Variants in ARID5B observed in about 807,000 individuals in gnomAD.
ARID5B encodes the protein AT-rich interactive domain-containing protein 5B.
ARID5B carries 13 observed loss-of-function variants against 97.2 expected under a neutral mutation model. The observed-to-expected ratio is 0.13, with a 90% CI of 0.09 to 0.21. The LOEUF is 0.21. Among genes scored for constraint, ARID5B ranks in the 10% least tolerant of loss-of-function variants. The pLI is 1.00. For missense variants in ARID5B, 1,210 were observed against 1,465.3 expected, an observed-to-expected ratio of 0.83 and a Z score of 2.84; for synonymous variants, 556 against 570.3, an observed-to-expected ratio of 0.97 and a Z score of 0.36.
chr10:61,904,122 T>C (rs1843669889), intron 2 of ARID5B, among the ~76,000 whole-genome samples: 1 of 143,632 alleles, frequency 7.0e-6, no homozygotes, highest in Admixed American at 7.0e-5. Flanking sequence ...TTTCTTATTA[T>C]TTGCTTTTCA....
intron 3 of ARID5B, among the ~76,000 whole-genome samples, chr10:61,950,488 G>C (rs186083499): frequency 6.6e-6 from 1 of 152,208 alleles, no homozygotes; most frequent in African/African-American, 2.4e-5. Flanking sequence ...GGGCAACATA[G>C]TGAGACCTGT....
At chr10:61,977,488 T>A (rs1414834446) in intron 3 of ARID5B, among the ~76,000 whole-genome samples, 1 of 152,212 alleles carries the variant, frequency 6.6e-6, no homozygotes, top group Non-Finnish European at 1.5e-5. Flanking sequence ...TGTAAAAGTG[T>A]TTCTATTTCT....
chr10:62,059,135 G>A, intron 6 of ARID5B, 108 bp from the exon 7 acceptor site: 2 of 870,912 alleles, frequency 2.3e-6, no homozygotes, highest in South Asian at 3.7e-5. Context: ...GGGTACTTTA[G>A]TATTTCTTTT....
At chr10:62,064,972 C>A (rs867719448) in intron 7 of ARID5B, among the ~76,000 whole-genome samples, 4 of 152,092 alleles carry the variant, frequency 2.6e-5, no homozygotes, top group Non-Finnish European at 4.4e-5. Flanking sequence ...CAAAGTTTCA[C>A]CATGTTGGCC....
chr10:62,006,394 A>T (rs1361640774), intron 4 of ARID5B, among the ~76,000 whole-genome samples: 2 of 152,192 alleles, frequency 1.3e-5, no homozygotes, highest in Non-Finnish European at 2.9e-5. Context: ...GTGAGCCAAG[A>T]TCGCGCCATT....
At position 62,091,231 on chromosome 10, in the gene ARID5B, C is replaced by T. The variant is rs769394319; in HGVS notation, c.1768C>T (p.Pro590Ser). 19 of 1,614,102 alleles carry T rather than the reference C, an allele frequency of 1.2e-5. No homozygotes were observed. Among genetic ancestry groups the T allele is most frequent in the Non-Finnish European group, 1.6e-5 (19 of 1,179,994 alleles). ...TTTTACAGAGAGCCCTGAAAGTGAACCCCAAGAAGCATCCTTCCCCAGCTT... is the reference window on the plus strand; with the variant it reads ...TTTTACAGAGAGCCCTGAAAGTGAATCCCAAGAAGCATCCTTCCCCAGCTT... Reference protein sequence around the residue: ...CCFTESPESEPQEASFPSFPT... With the variant: ...CCFTESPESESQEASFPSFPT... Residue 590 changes from proline to serine, a missense_variant, in exon 10 of 10, where the codon CCC becomes TCC. Pro to Ser is a moderately conservative substitution (Grantham distance 74). Transcript: ENST00000279873.
intron 2 of ARID5B, among the ~76,000 whole-genome samples, chr10:61,937,165 A>C (rs369907483): frequency 6.6e-6 from 1 of 152,240 alleles, no homozygotes; most frequent in South Asian, 2.1e-4. Flanking sequence ...TGGACTGAAT[A>C]CAATGCAATA....
intron 8 of ARID5B, among the ~76,000 whole-genome samples, chr10:62,082,886 C>G (rs191453689): frequency 1.3e-5 from 2 of 152,148 alleles, no homozygotes; most frequent in African/African-American, 4.8e-5. Flanking sequence ...GTGTGCCGTG[C>G]GAGACCGTGC....
At chr10:62,036,597 A>G (rs933568976) in intron 4 of ARID5B, among the ~76,000 whole-genome samples, 7 of 152,228 alleles carry the variant, frequency 4.6e-5, no homozygotes, top group Non-Finnish European at 8.8e-5. Flanking sequence ...ATATGAACAC[A>G]GTGGGAATGT....
At position 62,091,404 on chromosome 10, in the gene ARID5B, G is replaced by A; in HGVS notation, c.1941G>A (p.Lys647=). ...DIHNALKQTP[K]VLVVQSFDMF... ...ACAATGCGCTCAAGCAGACCCCAAA[G>A]GTCCTTGTGGTCCAGTCGTTTGACA... Residue 647 remains lysine, a synonymous_variant, in exon 10 of 10, where the codon AAG becomes AAA. Coordinates refer to ENST00000279873, the MANE Select transcript of ARID5B (RefSeq NM_032199.3). 1 of 1,613,510 alleles carries A rather than the reference G, an allele frequency of 6.2e-7. No individual in the cohort carries two copies. The highest frequency in any genetic ancestry group is 8.5e-7 in the Non-Finnish European group (1 of 1,179,594).
chr10:62,013,575 C>T (rs193225648), intron 4 of ARID5B, among the ~76,000 whole-genome samples: 29 of 152,004 alleles, frequency 1.9e-4, no homozygotes, highest in Non-Finnish European at 4.0e-4. Context: ...AGCAACATCT[C>T]CCCAACTCCC....
In ARID5B at chr10:62,094,282, G is replaced by A. The variant is rs1040125872; in HGVS notation, c.*1252G>A. On this transcript the variant is annotated 3_prime_UTR_variant, in exon 10 of 10. Transcript: ENST00000279873. ...ACTGGCCAGAAGAGGAGCAGCTGCA[G>A]TCCTGATAGCTTCTCTAGCCTCGGT... is the stretch of plus-strand genomic sequence containing the variant. The A allele has an allele frequency of 8.6e-6, 2 of 231,630 alleles. No homozygotes were observed. Among genetic ancestry groups the A allele is most frequent in the Admixed American group, 1.1e-4 (2 of 17,712 alleles). 14.3% of individuals were successfully genotyped at this position (231,630 alleles called of 1,614,324 possible).
intron 7 of ARID5B, among the ~76,000 whole-genome samples, chr10:62,063,524 AGAG>A (rs893950721): frequency 3.3e-5 from 5 of 151,446 alleles, no homozygotes; most frequent in African/African-American, 9.7e-5. Flanking sequence ...AAAAAAAAAA[AGAG>A]GAGCAGAAGT....
At chr10:61,945,969 T>C (rs193238616) in intron 3 of ARID5B, among the ~76,000 whole-genome samples, 29 of 148,830 alleles carry the variant, frequency 1.9e-4, no homozygotes, top group African/African-American at 6.8e-4. Flanking sequence ...TATGTATATA[T>C]ATAAATACAT....
chr10:62,005,859 A>AT (rs1032915214), intron 4 of ARID5B, among the ~76,000 whole-genome samples: 3 of 152,098 alleles, frequency 2.0e-5, no homozygotes, highest in African/African-American at 7.2e-5. Context: ...GTGAGTAAAC[A>AT]TTTTTTTCCT....
intron 2 of ARID5B, among the ~76,000 whole-genome samples, chr10:61,913,828 C>T (rs533574084): frequency 3.3e-5 from 5 of 152,246 alleles, no homozygotes; most frequent in Admixed American, 2.6e-4. Flanking sequence ...CTCAGCTCAC[C>T]GCAACCTCCG....
At chr10:61,987,456 C>G (rs1234580969) in intron 3 of ARID5B, among the ~76,000 whole-genome samples, 1 of 152,114 alleles carries the variant, frequency 6.6e-6, no homozygotes, top group Admixed American at 6.5e-5. Flanking sequence ...TAAATGCAGC[C>G]AAGTGTTACA....
chr10:62,079,126 G>C (rs1490260454), intron 8 of ARID5B, among the ~76,000 whole-genome samples: 2 of 152,194 alleles, frequency 1.3e-5, no homozygotes, highest in Non-Finnish European at 2.9e-5. Context: ...TTAGGAGCTA[G>C]GAATTCACTT....
At chr10:62,017,015 G>A (rs1200176472) in intron 4 of ARID5B, among the ~76,000 whole-genome samples, 2 of 152,128 alleles carry the variant, frequency 1.3e-5, no homozygotes, top group Admixed American at 1.3e-4. Flanking sequence ...TGAGCAGAGA[G>A]AGTGAACTCA....
Sources: gnomAD v4.1 joint callset for allele counts (sites outside exome capture counted in the v4.1 genomes callset) on GRCh38, gnomAD v4.1.1 for gene constraint, MANE v1.5 for transcripts, NCBI Gene and HGNC (gene_info 2026-07-23, HGNC 2026-07-21) for gene names.